The following TIGAR variants were observed in gnomAD, a reference collection of about 807,000 sequenced individuals.
TIGAR encodes the protein fructose-2,6-bisphosphatase TIGAR.
A neutral mutation model predicts 17.9 loss-of-function variants in TIGAR; 7 were observed. That is an observed-to-expected ratio of 0.39 (90% CI 0.22 to 0.73). The LOEUF (loss-of-function observed/expected upper bound fraction) is 0.73, where lower values mean the gene tolerates loss of function less well. TIGAR is among the 30% of genes least tolerant of loss of function. The pLI, the probability that TIGAR is intolerant of heterozygous loss-of-function variation, is 0.42. For missense variants in TIGAR, 258 were observed against 327.4 expected, an observed-to-expected ratio of 0.79 and a Z score of 1.64; for synonymous variants, 94 against 108.6, an observed-to-expected ratio of 0.87 and a Z score of 0.84.
Position 4,352,704 on chromosome 12 carries a change from A to C in TIGAR, c.*13A>C. The C allele has an allele frequency of 6.3e-7, 1 of 1,589,658 alleles. No individual in the cohort carries two copies. Among genetic ancestry groups the C allele is most frequent in the Non-Finnish European group, 8.5e-7 (1 of 1,173,656 alleles). On this transcript the variant is annotated 3_prime_UTR_variant, in exon 6 of 6. Coordinates refer to ENST00000179259, the MANE Select transcript of TIGAR (RefSeq NM_020375.3). ...TGAAACTCGCTAAGGTTAAATCTGCATCAAAATCTAACCATTTTGAGCCTC... is the reference window on the plus strand; with the variant it reads ...TGAAACTCGCTAAGGTTAAATCTGCCTCAAAATCTAACCATTTTGAGCCTC...
intron 3 of TIGAR, among the ~76,000 whole-genome samples, chr12:4,347,410 A>AG (rs201922471): frequency 0.011 from 1,632 of 152,256 alleles, 16 homozygotes; most frequent in Non-Finnish European, 0.015. Flanking sequence ...GAAAGGTAGT[A>AG]GGGGGAGGTG....
chr12:4,325,596 G>C (rs567583743), intron 1 of TIGAR, among the ~76,000 whole-genome samples: 12 of 152,042 alleles, frequency 7.9e-5, no homozygotes, highest in Non-Finnish European at 1.3e-4. Flanking sequence ...CAAAAAATTA[G>C]CTGGGCGTAG....
chr12:4,351,293 G>A lies in TIGAR; in HGVS notation c.297G>A (p.Ala99=), dbSNP rs369592157. The change falls in exon 5 of 6, where the codon GCG becomes GCA. Residue 99 remains alanine, a synonymous_variant. Coordinates refer to ENST00000179259, the MANE Select transcript of TIGAR (RefSeq NM_020375.3). The part of the protein sequence containing the change: ...ERKYGVVEGK[A]LSELRAMAKA... The stretch of plus-strand genomic sequence containing the variant: ...AATACGGGGTTGTAGAAGGCAAAGC[G>A]CTAAGTGAGCTGAGGGCCATGGCCA... The A allele has an allele frequency of 9.3e-6, 15 of 1,614,034 alleles. No individual in the cohort carries two copies. The highest frequency in any genetic ancestry group is 2.2e-5 in the South Asian group (2 of 91,086).
At chr12:4,350,291 A>T (rs894749453) in intron 4 of TIGAR, among the ~76,000 whole-genome samples, 1 of 152,234 alleles carries the variant, frequency 6.6e-6, no homozygotes, top group Admixed American at 6.5e-5. Context: ...TTGTAGACCT[A>T]TATATTTCTA....
In TIGAR at chr12:4,355,947, C is replaced by T. The variant is rs1196381146; in HGVS notation, c.*3256C>T. 6.6e-6 allele frequency among the ~76,000 whole-genome samples: 1 copy of T among 152,126 alleles called. No individual in the cohort carries two copies. The highest frequency in any genetic ancestry group is 1.5e-5 in the Non-Finnish European group (1 of 68,008). The stretch of plus-strand genomic sequence containing the variant: ...AAGGATCAGGCTTGACTCCTTTGAG[C>T]AAGGGGGATGGGAGAGTGACGGGAG... On this transcript the variant is annotated 3_prime_UTR_variant, in exon 6 of 6. Coordinates refer to ENST00000179259, the MANE Select transcript of TIGAR (RefSeq NM_020375.3).
chr12:4,322,995 G>C (rs73042193), intron 1 of TIGAR, among the ~76,000 whole-genome samples: 4 of 151,752 alleles, frequency 2.6e-5, no homozygotes, highest in Admixed American at 6.6e-5. Context: ...GACCATCAAG[G>C]TGGTTCACCC....
In TIGAR at chr12:4,352,596, A is replaced by G; in HGVS notation, c.718A>G (p.Ile240Val). 6.2e-7 allele frequency: 1 copy of G among 1,612,946 alleles called. No homozygotes were observed. The highest frequency in any genetic ancestry group is 8.5e-7 in the Non-Finnish European group (1 of 1,180,024). Residue 240 changes from isoleucine to valine, a missense_variant, in exon 6 of 6, where the codon ATA becomes GTA. Coordinates refer to ENST00000179259, the MANE Select transcript of TIGAR (RefSeq NM_020375.3). The stretch of plus-strand genomic sequence containing the variant: ...CAATACAGGGATGAGTCTCTTTATC[A>G]TAAACTTTGAGGAAGGAAGAGAAGT... ...TPNTGMSLFI[I>V]NFEEGREVKP...
At chr12:4,325,995 T>C (rs1864543131) in intron 1 of TIGAR, among the ~76,000 whole-genome samples, 1 of 152,246 alleles carries the variant, frequency 6.6e-6, no homozygotes, top group South Asian at 2.1e-4. Context: ...TTGAGGTTTC[T>C]GTATGATTTT....
intron 1 of TIGAR, among the ~76,000 whole-genome samples, chr12:4,328,980 C>G (rs922582160): frequency 1.3e-5 from 2 of 152,202 alleles, no homozygotes; most frequent in Non-Finnish European, 2.9e-5. Context: ...ATTCTTCCCC[C>G]AACCAATAGG....
Position 4,324,323 on chromosome 12 carries a change from CTTTT to C in TIGAR, c.32+3034_32+3037del, listed in dbSNP as rs34096957. The C allele has an allele frequency of 4.8e-4, 298 of 626,270 alleles. 1 individual carries two copies. The highest frequency in any genetic ancestry group is 1.5e-3 in the South Asian group (78 of 53,056). The allele number at this position is 626,270 out of a possible 1,614,324, so 38.8% of individuals were successfully genotyped here. ...CCGGCAAAACCATCCATTTAACTTC[CTTTT>C]TTTTTTTTTTTTTGGAAATATGTGT... On this transcript the variant is annotated intron_variant, in intron 1 of 5. Transcript: ENST00000179259.
At chr12:4,345,833 T>C (rs1173711124) in intron 3 of TIGAR, among the ~76,000 whole-genome samples, 2 of 152,132 alleles carry the variant, frequency 1.3e-5, no homozygotes, top group African/African-American at 4.8e-5. Flanking sequence ...ACCTACAGAA[T>C]GGGAGAAAAT....
chr12:4,338,305 C>T (rs1230388200), intron 3 of TIGAR, among the ~76,000 whole-genome samples: 1 of 152,074 alleles, frequency 6.6e-6, no homozygotes, highest in Non-Finnish European at 1.5e-5. Context: ...AGACTTTGGG[C>T]ACTGTGGGCC....
chr12:4,349,723 C>A, intron 3 of TIGAR, 96 bp from the exon 4 acceptor site: 1 of 1,083,562 alleles, frequency 9.2e-7, no homozygotes, highest in Admixed American at 2.6e-5. Context: ...GGTTCTAGTT[C>A]TTTTTTATTC....
intron 3 of TIGAR, among the ~76,000 whole-genome samples, chr12:4,347,562 C>G (rs150174712): frequency 6.6e-6 from 1 of 152,050 alleles, no homozygotes; most frequent in African/African-American, 2.4e-5. Context: ...TTGGATCATT[C>G]GTAACAAAAA....
At chr12:4,330,563 C>G (rs1591659968) in intron 1 of TIGAR, among the ~76,000 whole-genome samples, 1 of 152,196 alleles carries the variant, frequency 6.6e-6, no homozygotes, top group East Asian at 1.9e-4. Context: ...TTAACCTATC[C>G]TGCTGTCTGT....
In TIGAR at chr12:4,329,375, C is replaced by G. The variant is rs182136794; in HGVS notation, c.33-1905C>G. On this transcript the variant is annotated intron_variant, in intron 1 of 5. Transcript: ENST00000179259. ...TTTTTGTGAGACAGGGTCTTGCTCT[C>G]TCACCCATACTGGAGTGCAGTGGTG... Among the ~76,000 whole-genome samples, 80 of 113,706 alleles carry G rather than the reference C, an allele frequency of 7.0e-4. 1 individual carries two copies. The East Asian group carries it at 0.022, about 31-fold the overall frequency. The allele number at this position is 113,706 out of a possible 152,430, so 74.6% of individuals were successfully genotyped here.
At chr12:4,338,127 G>A (rs539324317) in intron 3 of TIGAR, among the ~76,000 whole-genome samples, 1 of 107,668 alleles carries the variant, frequency 9.3e-6, no homozygotes, top group Non-Finnish European at 1.9e-5. Context: ...CTCTTGTCTC[G>A]AAAATAAAAA....
chr12:4,348,105 C>T (rs925642567), intron 3 of TIGAR, among the ~76,000 whole-genome samples: 3 of 151,850 alleles, frequency 2.0e-5, no homozygotes, highest in Non-Finnish European at 2.9e-5. Context: ...CACTTCACTC[C>T]AGCCTGGGTG....
At chr12:4,336,905 AG>A (rs1864666002) in intron 2 of TIGAR, 133 bp from the exon 3 acceptor site, 1 of 1,044,496 alleles carries the variant, frequency 9.6e-7, no homozygotes, top group Admixed American at 3.4e-5. Context: ...CTCCCTGAAA[AG>A]TTACGTGGAA....
Sources: allele counts gnomAD v4.1 joint callset (sites outside exome capture counted in the v4.1 genomes callset), GRCh38; gene constraint gnomAD v4.1.1; transcripts MANE v1.5; gene names NCBI Gene and HGNC (gene_info 2026-07-23, HGNC 2026-07-21).